The following SPAM1 variants were observed in gnomAD, a reference collection of about 807,000 sequenced individuals.
SPAM1 encodes hyaluronidase PH-20.
A neutral mutation model predicts 29.6 loss-of-function variants in SPAM1; 22 were observed. The observed-to-expected ratio is 0.74, with a 90% CI of 0.53 to 1.06. SPAM1 has a LOEUF of 1.06. Among genes scored for constraint, SPAM1 ranks in the 50% least tolerant of loss-of-function variants. SPAM1 has a pLI of 0.00. For missense variants in SPAM1, 534 were observed against 604.0 expected, an observed-to-expected ratio of 0.88 and a Z score of 1.21; for synonymous variants, 194 against 204.6, an observed-to-expected ratio of 0.95 and a Z score of 0.44.
In SPAM1 at chr7:123,954,407, C is replaced by CA. The variant is rs779630580; in HGVS notation, c.839dup (p.Asn280LysfsTer14). On this transcript the variant is annotated frameshift_variant, in exon 3 of 5. Coordinates refer to ENST00000682466, the MANE Select transcript of SPAM1 (RefSeq NM_153189.3). LOFTEE classifies it high-confidence loss of function. Reference sequence around the variant, plus strand: ...CTGTAGCTGCTACACTCTATGTGCGCAATCGAGTTCGGGAAGCCATCAGAG... The same window carrying CA: ...CTGTAGCTGCTACACTCTATGTGCGCAAATCGAGTTCGGGAAGCCATCAGAG... The CA allele has an allele frequency of 6.2e-7, 1 of 1,613,380 alleles. No homozygotes were observed.
intron 1 of SPAM1, among the ~76,000 whole-genome samples, chr7:123,936,479 C>T (rs1421847361): frequency 3.9e-5 from 6 of 152,166 alleles, no homozygotes; most frequent in Non-Finnish European, 5.9e-5. Flanking sequence ...AAAGGGAAAA[C>T]TTACATTTAG....
intron 1 of SPAM1, among the ~76,000 whole-genome samples, chr7:123,948,141 T>G (rs1808645586): frequency 6.6e-6 from 1 of 152,190 alleles, no homozygotes; most frequent in Non-Finnish European, 1.5e-5. Context: ...AAAAAAAATC[T>G]TACACAAAAG....
intron 1 of SPAM1, among the ~76,000 whole-genome samples, chr7:123,934,211 A>G (rs1808181139): frequency 6.6e-6 from 1 of 152,150 alleles, no homozygotes; most frequent in Non-Finnish European, 1.5e-5. Context: ...TATCCTTGTT[A>G]TTAAGGGATG....
intron 1 of SPAM1, among the ~76,000 whole-genome samples, chr7:123,934,583 T>A (rs1035159188): frequency 1.3e-5 from 2 of 152,110 alleles, no homozygotes; most frequent in Non-Finnish European, 2.9e-5. Context: ...AGATATGGAA[T>A]TAAGCTAAGC....
intron 1 of SPAM1, among the ~76,000 whole-genome samples, chr7:123,931,608 C>T (rs1323978856): frequency 6.6e-6 from 1 of 152,142 alleles, no homozygotes; most frequent in Non-Finnish European, 1.5e-5. Context: ...AGACAATTTC[C>T]CCTCTGTCTT....
intron 1 of SPAM1, among the ~76,000 whole-genome samples, chr7:123,940,404 C>T (rs1450929942): frequency 1.3e-5 from 2 of 151,646 alleles, no homozygotes; most frequent in African/African-American, 4.8e-5. Flanking sequence ...CATTTTTTTC[C>T]CCAAAGGAAT....
intron 1 of SPAM1, among the ~76,000 whole-genome samples, chr7:123,931,816 C>T (rs1808088802): frequency 6.6e-6 from 1 of 152,138 alleles, no homozygotes; most frequent in Non-Finnish European, 1.5e-5. Context: ...AACATATCCT[C>T]ACTGGTTACA....
In SPAM1 at chr7:123,954,407, C is replaced by T. The variant is rs1563029918; in HGVS notation, c.837C>T (p.Arg279=). Residue 279 remains arginine, a synonymous_variant, in exon 3 of 5, where the codon CGC becomes CGT. Transcript: ENST00000682466. The part of the protein sequence containing the change: ...QSPVAATLYV[R]NRVREAIRVS... ...CTGTAGCTGCTACACTCTATGTGCG[C>T]AATCGAGTTCGGGAAGCCATCAGAG... 6.2e-7 allele frequency: 1 copy of T among 1,613,380 alleles called. No individual in the cohort carries two copies. The highest frequency in any genetic ancestry group is 8.5e-7 in the Non-Finnish European group (1 of 1,179,620).
At chr7:123,932,331 A>G (rs1053689646) in intron 1 of SPAM1, 1 of 152,248 alleles carries the variant, frequency 6.6e-6, no homozygotes, top group African/African-American at 2.4e-5. Context: ...TGGAGAGCAC[A>G]GGAGACCTGA....
At chr7:123,969,015 T>C (rs1289844120) in intron 5 of SPAM1, among the ~76,000 whole-genome samples, 2 of 152,074 alleles carry the variant, frequency 1.3e-5, no homozygotes, top group Non-Finnish European at 1.5e-5. Context: ...GTGACACTGT[T>C]ATTATCTGAA....
chr7:123,948,555 T>C (rs1273641423), intron 1 of SPAM1, among the ~76,000 whole-genome samples: 1 of 152,048 alleles, frequency 6.6e-6, no homozygotes, highest in African/African-American at 2.4e-5. Flanking sequence ...TTGAGTGAGG[T>C]CTGTAGAGAA....
chr7:123,964,812 A>G (rs1261315995), downstream of SPAM1, among the ~76,000 whole-genome samples: 1 of 152,060 alleles, frequency 6.6e-6, no homozygotes, highest in East Asian at 1.9e-4. Flanking sequence ...TATGTATTAT[A>G]CAAATGTTTT....
At chr7:123,961,424 T>C (rs1792356779), downstream of SPAM1, among the ~76,000 whole-genome samples, 1 of 151,996 alleles carries the variant, frequency 6.6e-6, no homozygotes, top group Admixed American at 6.6e-5. Context: ...GATGCTTGTC[T>C]TTCTGTGCTT....
At chr7:123,961,996 A>G (rs1156509232), downstream of SPAM1, among the ~76,000 whole-genome samples, 1 of 151,974 alleles carries the variant, frequency 6.6e-6, no homozygotes, top group Middle Eastern at 3.2e-3. Context: ...GATCCCTCCC[A>G]CAACACGTGG....
At chr7:123,937,254 T>C (rs1419827167) in intron 1 of SPAM1, among the ~76,000 whole-genome samples, 5 of 152,104 alleles carry the variant, frequency 3.3e-5, no homozygotes, top group African/African-American at 1.2e-4. Context: ...TATTTAATAA[T>C]GTTGGTAGTC....
downstream of SPAM1, among the ~76,000 whole-genome samples, chr7:123,963,131 A>G (rs1792382320): frequency 6.6e-6 from 1 of 151,876 alleles, no homozygotes; most frequent in South Asian, 2.1e-4. Flanking sequence ...GCTGATGTGA[A>G]GGGTATATAC....
chr7:123,937,403 C>T (rs1168907148), intron 1 of SPAM1, among the ~76,000 whole-genome samples: 5 of 151,916 alleles, frequency 3.3e-5, no homozygotes, highest in African/African-American at 1.2e-4. Context: ...AGATCGAGAC[C>T]ATCCTGGATA....
intron 1 of SPAM1, among the ~76,000 whole-genome samples, 174 bp from the exon 2 acceptor site, chr7:123,949,698 T>C (rs572136515): frequency 6.6e-6 from 1 of 152,290 alleles, no homozygotes; most frequent in East Asian, 1.9e-4. Flanking sequence ...AAAATCATTT[T>C]GAACTTATCC....
chr7:123,927,951 CA>C (rs1457711360), intron 1 of SPAM1, among the ~76,000 whole-genome samples: 1 of 152,102 alleles, frequency 6.6e-6, no homozygotes, highest in Non-Finnish European at 1.5e-5. Context: ...CAGACTGCAT[CA>C]GCAGGAATTG....
Sources: allele counts gnomAD v4.1 joint callset (sites outside exome capture counted in the v4.1 genomes callset), GRCh38; gene constraint gnomAD v4.1.1; transcripts MANE v1.5; gene names NCBI Gene and HGNC (gene_info 2026-07-23, HGNC 2026-07-21).